The following NEK5 variants were observed in gnomAD, a reference collection of about 807,000 sequenced individuals.
The protein encoded by NEK5 is serine/threonine-protein kinase Nek5.
NEK5 carries 88 observed loss-of-function variants against 109.2 expected under a neutral mutation model. The observed-to-expected ratio is 0.81, with a 90% CI of 0.68 to 0.96. NEK5 has a LOEUF of 0.96. Among genes scored for constraint, NEK5 ranks in the 40% least tolerant of loss-of-function variants. The pLI is 0.00. For missense variants in NEK5, 834 were observed against 920.7 expected, an observed-to-expected ratio of 0.91 and a Z score of 1.22; for synonymous variants, 283 against 299.9, an observed-to-expected ratio of 0.94 and a Z score of 0.58.
chr13:52,053,751 C>A (rs996572934), intron 22 of NEK5, among the ~76,000 whole-genome samples: 1 of 152,170 alleles, frequency 6.6e-6, no homozygotes, highest in African/African-American at 2.4e-5. Flanking sequence ...CCATCTCGCC[C>A]CACATACCCT....
At chr13:52,042,508 AAC>A (rs1164411025) in intron 23 of NEK5, among the ~76,000 whole-genome samples, 1 of 151,846 alleles carries the variant, frequency 6.6e-6, no homozygotes. Context: ...ACAGAAAAGA[AAC>A]AATGTTGATA....
chr13:52,060,599 G>C (rs897602164), intron 22 of NEK5, among the ~76,000 whole-genome samples: 11 of 152,110 alleles, frequency 7.2e-5, no homozygotes, highest in African/African-American at 2.7e-4. Flanking sequence ...ACCTGCCTCG[G>C]CCTCCCAAAG....
intron 11 of NEK5, 96 bp from the exon 12 acceptor site, chr13:52,099,972 AAC>A (rs1028396478): frequency 1.1e-6 from 1 of 927,078 alleles, no homozygotes; most frequent in African/African-American, 1.6e-5. Context: ...TACATTTCAT[AAC>A]ACAGTAAGTT....
intron 22 of NEK5, among the ~76,000 whole-genome samples, chr13:52,058,608 T>C (rs1366371168): frequency 6.6e-6 from 1 of 152,010 alleles, no homozygotes; most frequent in East Asian, 1.9e-4. Flanking sequence ...AACAGAGATA[T>C]AGATCAATGG....
chr13:52,072,962 G>T (rs1954807513), intron 19 of NEK5, among the ~76,000 whole-genome samples: 1 of 152,246 alleles, frequency 6.6e-6, no homozygotes, highest in Non-Finnish European at 1.5e-5. Flanking sequence ...ATGAAATTTG[G>T]ATTTACTGTA....
At position 52,061,815 on chromosome 13, in the gene NEK5, A is replaced by G; in HGVS notation, c.2110+4T>C. On this transcript the variant is annotated splice_donor_region_variant and intron_variant, in intron 22 of 23. Coordinates refer to ENST00000684899, the MANE Select transcript of NEK5 (RefSeq NM_001365552.1). ...GGTTATGTTGTTAAAAATAAACTAC[A>G]TACCAAATTCTTCATCGGCAGAAAA... 1.0e-6 allele frequency: 1 copy of G among 984,984 alleles called. No individual in the cohort carries two copies. The highest frequency in any genetic ancestry group is 4.7e-5 in the South Asian group (1 of 21,260). 61.0% of individuals were successfully genotyped at this position (984,984 alleles called of 1,614,324 possible). A position where few individuals can be genotyped will look rare whatever the true frequency, so the allele number is the denominator to read the frequency against.
chr13:52,106,654 G>A (rs1247745999), intron 8 of NEK5, among the ~76,000 whole-genome samples: 1 of 151,762 alleles, frequency 6.6e-6, no homozygotes, highest in East Asian at 1.9e-4. Context: ...GCAGTCCCAG[G>A]TACTTGGGAG....
Position 52,127,523 on chromosome 13 carries a change from A to G in NEK5, c.-22-19T>C, listed in dbSNP as rs746928764. 8.5e-6 allele frequency: 9 copies of G among 1,064,230 alleles called. No individual in the cohort carries two copies. In the South Asian group the frequency reaches 1.2e-4, roughly 14 times the overall value. The allele number at this position is 1,064,230 out of a possible 1,614,324, so 65.9% of individuals were successfully genotyped here. A position where few individuals can be genotyped will look rare whatever the true frequency, so the allele number is the denominator to read the frequency against. ...GAGTTTCCTGGAATTAGAGTAATGT[A>G]AATTTATCACACACGTCTCATAAAG... On this transcript the variant is annotated intron_variant, in intron 2 of 23. Transcript: ENST00000684899.
intron 15 of NEK5, among the ~76,000 whole-genome samples, chr13:52,086,954 A>G (rs1335698866): frequency 6.6e-6 from 1 of 152,190 alleles, no homozygotes; most frequent in East Asian, 1.9e-4. Flanking sequence ...ATTCCCCTAC[A>G]GGTTTCAGAG....
chr13:52,061,180 C>T (rs114787020), intron 22 of NEK5, among the ~76,000 whole-genome samples: 1,842 of 152,296 alleles, frequency 0.012, 37 homozygotes, highest in African/African-American at 0.043. Context: ...ATTAGATTCT[C>T]ATAAGGAGCA....
At chr13:52,096,727 G>C (rs1276155149) in intron 12 of NEK5, among the ~76,000 whole-genome samples, 1 of 152,164 alleles carries the variant, frequency 6.6e-6, no homozygotes, top group African/African-American at 2.4e-5. Context: ...AGGAAAGTTT[G>C]CAGCCTAGAA....
At chr13:52,117,402 A>G (rs2138102310) in intron 4 of NEK5, among the ~76,000 whole-genome samples, 1 of 152,354 alleles carries the variant, frequency 6.6e-6, no homozygotes, top group South Asian at 2.1e-4. Flanking sequence ...ACTCAAAGGC[A>G]TCACAATAGC....
intron 23 of NEK5, among the ~76,000 whole-genome samples, chr13:52,040,497 AAG>A (rs1337090943): frequency 1.3e-5 from 2 of 152,206 alleles, no homozygotes; most frequent in Non-Finnish European, 2.9e-5. Flanking sequence ...CAAACAGGCT[AAG>A]AGAAACTTCC....
At chr13:52,075,452 C>T (rs1243844268) in intron 19 of NEK5, among the ~76,000 whole-genome samples, 1 of 152,010 alleles carries the variant, frequency 6.6e-6, no homozygotes, top group East Asian at 1.9e-4. Context: ...TACTCATGGA[C>T]ATAAAGATAG....
intron 20 of NEK5, among the ~76,000 whole-genome samples, chr13:52,070,581 T>A (rs1339957360): frequency 6.6e-6 from 1 of 152,228 alleles, no homozygotes; most frequent in Non-Finnish European, 1.5e-5. Flanking sequence ...CTGCCATCCA[T>A]GTAAAATGTG....
At chr13:52,087,792 A>AT (rs1156384862) in intron 14 of NEK5, among the ~76,000 whole-genome samples, 1 of 151,674 alleles carries the variant, frequency 6.6e-6, no homozygotes, top group South Asian at 2.1e-4. Flanking sequence ...CACCCGGCTA[A>AT]TTTTTTGTAT....
chr13:52,049,165 G>A (rs1405100806), intron 23 of NEK5, among the ~76,000 whole-genome samples: 1 of 152,100 alleles, frequency 6.6e-6, no homozygotes, highest in East Asian at 1.9e-4. Flanking sequence ...GCTCACACCT[G>A]TAATCCCAGC....
chr13:52,108,966 T>C (rs1481394795), intron 7 of NEK5, among the ~76,000 whole-genome samples: 1 of 152,238 alleles, frequency 6.6e-6, no homozygotes, highest in African/African-American at 2.4e-5. Flanking sequence ...TACATGGCCA[T>C]GGCCATGCCA....
chr13:52,047,611 T>G (rs1004375399), intron 23 of NEK5, among the ~76,000 whole-genome samples: 1 of 152,070 alleles, frequency 6.6e-6, no homozygotes, highest in African/African-American at 2.4e-5. Context: ...GAGGCCCAGG[T>G]GGGAGGATCA....
Sources: allele counts gnomAD v4.1 joint callset (sites outside exome capture counted in the v4.1 genomes callset), GRCh38; gene constraint gnomAD v4.1.1; transcripts MANE v1.5; gene names NCBI Gene and HGNC (gene_info 2026-07-23, HGNC 2026-07-21).